Variants in MMP16 observed in about 807,000 individuals in gnomAD.
MMP16 encodes matrix metalloproteinase-16.
MMP16 carries 12 observed loss-of-function variants against 67.8 expected under a neutral mutation model. The ratio of observed to expected loss-of-function variants is 0.18; its 90% CI spans 0.11 to 0.29. The LOEUF is 0.29. Among genes scored for constraint, MMP16 ranks in the 10% least tolerant of loss-of-function variants. The probability of loss-of-function intolerance (pLI) is 1.00; values close to 1 mark genes in which losing one functional copy is unlikely to be tolerated. For missense variants in MMP16, 475 were observed against 765.7 expected (o/e 0.62, Z 4.48); for synonymous variants, 249 against 255.9 (o/e 0.97, Z 0.26).
chr8:88,264,028 T>G (rs1810433109), intron 1 of MMP16, among the ~76,000 whole-genome samples: 1 of 81,136 alleles, frequency 1.2e-5, no homozygotes, highest in Non-Finnish European at 2.4e-5. Context: ...CCTACAAAAA[T>G]GGCACATATA....
At chr8:88,199,871 T>C (rs1223305463) in intron 1 of MMP16, among the ~76,000 whole-genome samples, 4 of 152,120 alleles carry the variant, frequency 2.6e-5, no homozygotes, top group African/African-American at 7.2e-5. Flanking sequence ...AATTTGTCTC[T>C]TGAGACTGGT....
intron 6 of MMP16, among the ~76,000 whole-genome samples, chr8:88,111,122 T>C (rs1809328150): frequency 6.6e-6 from 1 of 151,582 alleles, no homozygotes; most frequent in Non-Finnish European, 1.5e-5. Context: ...CTTATCCAAA[T>C]GTAAAGAAAG....
In MMP16 at chr8:88,136,649, T is replaced by C. The variant is rs949306335; in HGVS notation, c.710-17788A>G. 3.3e-5 allele frequency among the ~76,000 whole-genome samples: 5 copies of C among 151,548 alleles called. No individual in the cohort carries two copies. The East Asian group carries it at 9.7e-4, about 29-fold the overall frequency. ...TTAAACAAAATACATATTAATTATA[T>C]ATTAAATGAATTAAATTCATATTAA... is the stretch of plus-strand genomic sequence containing the variant. On this transcript the variant is annotated intron_variant, in intron 4 of 9. Transcript: ENST00000286614.
chr8:88,135,924 T>C (rs921719461), intron 4 of MMP16, among the ~76,000 whole-genome samples: 1 of 151,840 alleles, frequency 6.6e-6, no homozygotes, highest in Non-Finnish European at 1.5e-5. Flanking sequence ...CTCTTACAGG[T>C]TTTTATTATA....
intron 1 of MMP16, among the ~76,000 whole-genome samples, chr8:88,211,137 T>C (rs1809505745): frequency 7.4e-6 from 1 of 134,406 alleles, no homozygotes; most frequent in South Asian, 2.4e-4. Flanking sequence ...TAGCCTTTAC[T>C]ACATAAGATT....
intron 1 of MMP16, among the ~76,000 whole-genome samples, chr8:88,257,486 C>A (rs1810321880): frequency 2.6e-5 from 4 of 152,258 alleles, no homozygotes; most frequent in Middle Eastern, 3.4e-3. Context: ...ATTACTTTTG[C>A]CTTTTGCTGG....
intron 4 of MMP16, among the ~76,000 whole-genome samples, chr8:88,138,949 T>C (rs1808167719): frequency 6.6e-6 from 1 of 152,152 alleles, no homozygotes. Context: ...ACTCAATCAC[T>C]TTTTTGACTT....
chr8:88,289,551 A>T (rs1810888049), intron 1 of MMP16, among the ~76,000 whole-genome samples: 1 of 152,192 alleles, frequency 6.6e-6, no homozygotes, highest in African/African-American at 2.4e-5. Context: ...CATTTTTGCA[A>T]TATAGTCATT....
intron 5 of MMP16, among the ~76,000 whole-genome samples, chr8:88,116,939 G>A (rs1809447881): frequency 6.6e-6 from 1 of 152,062 alleles, no homozygotes. Context: ...CTGGATCCAG[G>A]TAGCTAGGTT....
chr8:88,225,462 T>G (rs1809754317), intron 1 of MMP16, among the ~76,000 whole-genome samples: 1 of 152,008 alleles, frequency 6.6e-6, no homozygotes, highest in African/African-American at 2.4e-5. Context: ...CTAAAAATAC[T>G]TTTGCTTTAA....
chr8:88,226,990 G>C (rs771793656), intron 1 of MMP16, among the ~76,000 whole-genome samples: 2 of 151,648 alleles, frequency 1.3e-5, no homozygotes, highest in African/African-American at 2.4e-5. Flanking sequence ...GTTCACTCTG[G>C]ATATTGTTTC....
At chr8:88,188,726 C>A (rs1002033524) in intron 2 of MMP16, among the ~76,000 whole-genome samples, 6 of 151,114 alleles carry the variant, frequency 4.0e-5, no homozygotes, top group South Asian at 2.1e-4. Flanking sequence ...ACGATCTCGG[C>A]TTAACCACAA....
chr8:88,045,764 C>T (rs1432381214), intron 9 of MMP16, among the ~76,000 whole-genome samples: 1 of 152,074 alleles, frequency 6.6e-6, no homozygotes, highest in East Asian at 1.9e-4. Flanking sequence ...CTCTTCCCTG[C>T]CCCTAGATGC....
intron 8 of MMP16, among the ~76,000 whole-genome samples, chr8:88,049,855 C>T (rs1808247281): frequency 6.6e-6 from 1 of 152,016 alleles, no homozygotes; most frequent in South Asian, 2.1e-4. Flanking sequence ...GAAACCCTGT[C>T]TTTACCAAAA....
At chr8:88,251,889 A>G (rs1810229410) in intron 1 of MMP16, among the ~76,000 whole-genome samples, 1 of 121,256 alleles carries the variant, frequency 8.2e-6, no homozygotes, top group African/African-American at 3.3e-5. Flanking sequence ...AAACACATGA[A>G]AAAATGCTCA....
At chr8:88,182,645 T>C (rs551653137) in intron 3 of MMP16, among the ~76,000 whole-genome samples, 4 of 152,160 alleles carry the variant, frequency 2.6e-5, no homozygotes, top group Admixed American at 1.3e-4. Flanking sequence ...AGAAGACAGT[T>C]TGACAGTTTC....
chr8:88,056,084 C>T (rs1808328654), intron 8 of MMP16, 44 bp downstream of exon 8: 1 of 1,369,554 alleles, frequency 7.3e-7, no homozygotes, highest in Non-Finnish European at 9.6e-7. Context: ...ATTTTCTAAA[C>T]ATTGGTTAAT....
At chr8:88,102,930 A>T (rs1300282573) in intron 6 of MMP16, among the ~76,000 whole-genome samples, 1 of 151,812 alleles carries the variant, frequency 6.6e-6, no homozygotes, top group Non-Finnish European at 1.5e-5. Context: ...ACTTCTCATT[A>T]GCTCGGTCCC....
In MMP16 at chr8:88,066,425, T is replaced by A. The variant is rs919136699; in HGVS notation, c.1222+8180A>T. On this transcript the variant is annotated intron_variant, in intron 7 of 9. Transcript: ENST00000286614. ...AACATATTACTTCCTCGAGGTGTGA[T>A]ACATTTTCTATTTCTGGGTCTCTCT... is the stretch of plus-strand genomic sequence containing the variant. Among the ~76,000 whole-genome samples, 5 of 152,092 alleles carry A rather than the reference T, an allele frequency of 3.3e-5. 1 individual carries two copies. The highest frequency in any genetic ancestry group is 1.2e-4 in the African/African-American group (5 of 41,426).
Sources: gnomAD v4.1 joint callset for allele counts (sites outside exome capture counted in the v4.1 genomes callset) on GRCh38, gnomAD v4.1.1 for gene constraint, MANE v1.5 for transcripts, NCBI Gene and HGNC (gene_info 2026-07-23, HGNC 2026-07-21) for gene names.